The following WDR25 variants were observed in gnomAD, a reference collection of about 807,000 sequenced individuals.
WDR25 encodes the protein WD repeat domain 25, also known as WD repeat-containing protein 25.
Under a neutral mutation model 47.7 loss-of-function variants are expected in WDR25, and 35 were observed. That is an observed-to-expected ratio of 0.73 (90% CI 0.56 to 0.97). WDR25 has a LOEUF of 0.97. WDR25 is among the 50% of genes least tolerant of loss of function. The pLI, the probability that WDR25 is intolerant of heterozygous loss-of-function variation, is 0.00. For missense variants in WDR25, 634 were observed against 704.7 expected (o/e 0.90, Z 1.14); for synonymous variants, 248 against 278.9 (o/e 0.89, Z 1.10).
chr14:100,459,886 GTGTGTGTGTAT>G (rs1425056934), intron 2 of WDR25, among the ~76,000 whole-genome samples: 4 of 44,538 alleles, frequency 9.0e-5, no homozygotes, highest in African/African-American at 4.2e-4. Context: ...CCGTATATGT[GTGTGTGTGTAT>G]ATATATATAT....
In WDR25 at chr14:100,449,009, G is replaced by A. The variant is rs188460225; in HGVS notation, c.823-19012G>A. Among the ~76,000 whole-genome samples the A allele has an allele frequency of 1.4e-3, 207 of 152,214 alleles. 1 individual carries two copies. Among genetic ancestry groups the A allele is most frequent in the Non-Finnish European group, 2.2e-4 (15 of 68,016 alleles). ...GTTTGGGAAACGCACCTAGAAAGTG[G>A]CGTGCAAGGACGATCGTGATGGGAG... is the stretch of plus-strand genomic sequence containing the variant. On this transcript the variant is annotated intron_variant, in intron 2 of 6. Coordinates refer to ENST00000402312, the MANE Select transcript of WDR25 (RefSeq NM_001161476.3). The surrounding 1 kb of genome is among the most constrained non-coding windows in gnomAD (Gnocchi z 4.2).
At chr14:100,494,996 A>T (rs1257205385) in intron 4 of WDR25, among the ~76,000 whole-genome samples, 2 of 152,142 alleles carry the variant, frequency 1.3e-5, no homozygotes, top group Non-Finnish European at 2.9e-5. Flanking sequence ...CAAACAAACA[A>T]CATAGCAAGA....
chr14:100,412,378 A>G (rs1212693688), intron 2 of WDR25, among the ~76,000 whole-genome samples: 1 of 152,186 alleles, frequency 6.6e-6, no homozygotes, highest in Non-Finnish European at 1.5e-5. Context: ...CTCAATCTCA[A>G]GGGTTCCCTT....
intron 2 of WDR25, among the ~76,000 whole-genome samples, chr14:100,393,590 G>A (rs147999001): frequency 1.5e-4 from 23 of 152,336 alleles, no homozygotes; most frequent in Non-Finnish European, 2.5e-4. Flanking sequence ...TAGGACAGAT[G>A]GTGGAAGGTG....
intron 5 of WDR25, among the ~76,000 whole-genome samples, chr14:100,527,233 T>TCATCACCACCGTCATCTCTGTCACACCAC (rs2030222470): frequency 6.6e-6 from 1 of 151,178 alleles, no homozygotes; most frequent in Admixed American, 6.6e-5. Flanking sequence ...ATTACCACCA[T>TCATCACCACCGTCATCTCTGTCACACCAC]CATCACCACC....
chr14:100,511,203 C>A (rs898176585), intron 4 of WDR25, among the ~76,000 whole-genome samples: 1 of 152,114 alleles, frequency 6.6e-6, no homozygotes, highest in African/African-American at 2.4e-5. Flanking sequence ...TTTAATTTTT[C>A]TCACCAATGT....
chr14:100,524,083 C>T (rs1237095928), intron 4 of WDR25, among the ~76,000 whole-genome samples: 2 of 152,078 alleles, frequency 1.3e-5, no homozygotes, highest in Admixed American at 1.3e-4. Context: ...TTTTATGACA[C>T]CCTAATGAAT....
intron 4 of WDR25, among the ~76,000 whole-genome samples, chr14:100,484,435 G>A (rs751795169): frequency 6.6e-6 from 1 of 151,638 alleles, no homozygotes; most frequent in Non-Finnish European, 1.5e-5. Context: ...ATAATGTGCG[G>A]GTACAGATGA....
At chr14:100,481,141 G>C (rs1566930824) in intron 3 of WDR25, 4 of 437,866 alleles carry the variant, frequency 9.1e-6, no homozygotes, top group Non-Finnish European at 1.8e-5. Flanking sequence ...AAGGGAAAAG[G>C]GGAGCAAAGG....
At chr14:100,485,596 G>C (rs1325796808) in intron 4 of WDR25, among the ~76,000 whole-genome samples, 1 of 152,234 alleles carries the variant, frequency 6.6e-6, no homozygotes, top group Non-Finnish European at 1.5e-5. Flanking sequence ...TTTCAACGCT[G>C]TGTGTCTTGG....
At chr14:100,414,648 A>G (rs960748458) in intron 2 of WDR25, among the ~76,000 whole-genome samples, 6 of 152,136 alleles carry the variant, frequency 3.9e-5, no homozygotes, top group African/African-American at 1.4e-4. Flanking sequence ...GTTGGTGTGG[A>G]CTGGACATGT....
chr14:100,395,785 T>C (rs1307038609), intron 2 of WDR25, among the ~76,000 whole-genome samples: 2 of 152,086 alleles, frequency 1.3e-5, no homozygotes, highest in African/African-American at 4.8e-5. Flanking sequence ...CCTACTTGAA[T>C]TTTGGGATGT....
intron 4 of WDR25, among the ~76,000 whole-genome samples, chr14:100,489,502 A>G (rs1304720607): frequency 6.6e-6 from 1 of 152,228 alleles, no homozygotes; most frequent in Admixed American, 6.5e-5. Flanking sequence ...TATGAATCAG[A>G]TTTGTTAAGA....
chr14:100,529,618 T>C lies in WDR25; in HGVS notation c.1414-202T>C. The C allele has an allele frequency of 1.6e-6, 1 of 636,156 alleles. No individual in the cohort carries two copies. The highest frequency in any genetic ancestry group is 2.0e-5 in the South Asian group (1 of 50,934). The allele number at this position is 636,156 out of a possible 1,614,324, so 39.4% of individuals were successfully genotyped here. A position where few individuals can be genotyped will look rare whatever the true frequency, so the allele number is the denominator to read the frequency against. On this transcript the variant is annotated intron_variant, in intron 6 of 6. Coordinates refer to ENST00000402312, the MANE Select transcript of WDR25 (RefSeq NM_001161476.3). This position sits in a 1 kb window ranked among gnomAD's most constrained non-coding sequence, Gnocchi z 5.1. ...CTGGAGCTGGTCCCGCTGGATCTGC[T>C]GAACTGGCCTTGGGATGTGGGCCCG...
intron 2 of WDR25, among the ~76,000 whole-genome samples, chr14:100,436,956 TG>T (rs1898519082): frequency 1.3e-5 from 2 of 152,200 alleles, no homozygotes; most frequent in South Asian, 4.1e-4. Flanking sequence ...CTTTTTGTTT[TG>T]GAAAATGTGG....
intron 2 of WDR25, among the ~76,000 whole-genome samples, chr14:100,413,164 T>G (rs1377249935): frequency 6.6e-6 from 1 of 152,170 alleles, no homozygotes; most frequent in East Asian, 1.9e-4. Flanking sequence ...GTAAATTAAC[T>G]CTATGGAGAT....
chr14:100,426,743 C>T (rs2140223177), intron 2 of WDR25, among the ~76,000 whole-genome samples: 1 of 152,154 alleles, frequency 6.6e-6, no homozygotes, highest in South Asian at 2.1e-4. Flanking sequence ...CCCCCCAGCC[C>T]CACCCCATTT....
chr14:100,441,225 GCTC>G (rs2140246742), intron 2 of WDR25, among the ~76,000 whole-genome samples: 1 of 152,286 alleles, frequency 6.6e-6, no homozygotes, highest in Non-Finnish European at 1.5e-5. Context: ...CGTTTGCTGA[GCTC>G]CTTCTGTGTG....
At position 100,424,474 on chromosome 14, in the gene WDR25, C is replaced by G. The variant is rs1490498849; in HGVS notation, c.822+42728C>G. ...GACCCGCCACTGACCCCAGGGCTTT[C>G]TTGTATCAAGAGGAACAAAATGGCA... On this transcript the variant is annotated intron_variant, in intron 2 of 6. Coordinates refer to ENST00000402312, the MANE Select transcript of WDR25 (RefSeq NM_001161476.3). The surrounding 1 kb of genome is among the most constrained non-coding windows in gnomAD (Gnocchi z 4.2). Among the ~76,000 whole-genome samples, 1 of 152,214 alleles carries G rather than the reference C, an allele frequency of 6.6e-6. No individual in the cohort carries two copies. The highest frequency in any genetic ancestry group is 2.4e-5 in the African/African-American group (1 of 41,460).
Sources: allele counts gnomAD v4.1 joint callset (sites outside exome capture counted in the v4.1 genomes callset), GRCh38; gene constraint gnomAD v4.1.1; non-coding constraint Gnocchi (gnomAD v3.1); transcripts MANE v1.5; gene names NCBI Gene and HGNC (gene_info 2026-07-23, HGNC 2026-07-21).